The following DCAF6 variants were observed in gnomAD, a reference collection of about 807,000 sequenced individuals.
The protein encoded by DCAF6 is DDB1 and CUL4 associated factor 6, also known as DDB1- and CUL4-associated factor 6.
In DCAF6, 54 loss-of-function variants were observed where a neutral mutation model predicts 125.1. The observed-to-expected ratio is 0.43, with a 90% CI of 0.35 to 0.54. DCAF6 has a LOEUF of 0.54. Among genes scored for constraint, DCAF6 ranks in the 20% least tolerant of loss-of-function variants. The probability of loss-of-function intolerance (pLI) is 0.01; values close to 1 mark genes in which losing one functional copy is unlikely to be tolerated. For synonymous variants in DCAF6, 371 were observed against 390.4 expected (o/e 0.95, Z 0.58); for missense variants, 934 against 1,161.7 (o/e 0.80, Z 2.85).
the DCAF6 span, among the ~76,000 whole-genome samples, chr1:167,926,850 T>C: frequency 6.6e-6 from 1 of 152,306 alleles, no homozygotes; most frequent in Admixed American, 6.5e-5. Flanking sequence ...ACCTAACTCC[T>C]ATCCATCAGA....
At chr1:167,864,811 C>A in the DCAF6 span, among the ~76,000 whole-genome samples, 1 of 151,644 alleles carries the variant, frequency 6.6e-6, no homozygotes. Context: ...AGCACTGAGG[C>A]CTTCCTATCA....
chr1:168,021,081 G>C (rs924315574), intron 11 of DCAF6, among the ~76,000 whole-genome samples: 1 of 152,036 alleles, frequency 6.6e-6, no homozygotes, highest in African/African-American at 2.4e-5. Context: ...TTTGAAAATA[G>C]TTTTGTAGAG....
At chr1:168,034,436 A>C (rs1277312833) in intron 12 of DCAF6, among the ~76,000 whole-genome samples, 2 of 152,178 alleles carry the variant, frequency 1.3e-5, no homozygotes, top group Non-Finnish European at 2.9e-5. Flanking sequence ...ACTTGAGCCC[A>C]GAAGTTTGAG....
chr1:167,949,329 C>G (rs1424964177), intron 1 of DCAF6, among the ~76,000 whole-genome samples: 1 of 152,140 alleles, frequency 6.6e-6, no homozygotes, highest in African/African-American at 2.4e-5. Context: ...GGACTATCTT[C>G]TCAGTGAGGT....
At chr1:168,017,713 T>TA (rs1216325220) in intron 11 of DCAF6, among the ~76,000 whole-genome samples, 6 of 152,168 alleles carry the variant, frequency 3.9e-5, no homozygotes, top group Non-Finnish European at 7.4e-5. Context: ...TGCAGTTTTG[T>TA]ATATGGACAT....
chr1:167,951,613 A>G (rs568485083), intron 1 of DCAF6, among the ~76,000 whole-genome samples, 187 bp from the exon 2 acceptor site: 1 of 152,254 alleles, frequency 6.6e-6, no homozygotes, highest in Admixed American at 6.5e-5. Context: ...AGGTAGAGGT[A>G]TTCTAATGAG....
At chr1:168,015,351 T>C (rs1269683415) in intron 10 of DCAF6, among the ~76,000 whole-genome samples, 1 of 152,128 alleles carries the variant, frequency 6.6e-6, no homozygotes, top group African/African-American at 2.4e-5. Flanking sequence ...TGCATAAGTT[T>C]TTATCCTTTT....
chr1:168,042,539 C>A (rs142846667), intron 13 of DCAF6, among the ~76,000 whole-genome samples: 1 of 151,764 alleles, frequency 6.6e-6, no homozygotes, highest in Non-Finnish European at 1.5e-5. Context: ...AACAGCAGAT[C>A]AGAACTGGAA....
the DCAF6 span, chr1:167,920,433 T>C: frequency 1.9e-6 from 2 of 1,068,784 alleles, no homozygotes; most frequent in East Asian, 2.6e-5. Flanking sequence ...ATACTGTTAA[T>C]TCCTTTGTGT....
chr1:167,864,183 C>A, the DCAF6 span, among the ~76,000 whole-genome samples: 35 of 152,232 alleles, frequency 2.3e-4, no homozygotes, highest in Admixed American at 4.6e-4. Context: ...TGTGTGCGTG[C>A]CCTTTTTACC....
rs1472101179 is a variant in DCAF6, at chr1:168,044,931, G to A, written c.1962G>A (p.Leu654=). Reference sequence around the variant, plus strand: ...CAGATAAGTTCACAGCCAAGCCATTGGATTCCAACTCAGGAGAAAGAAATG... The same window carrying A: ...CAGATAAGTTCACAGCCAAGCCATTAGATTCCAACTCAGGAGAAAGAAATG... ...TQSDKFTAKP[L]DSNSGERNDL... The change falls in exon 16 of 22, where the codon TTG becomes TTA. Residue 654 remains leucine, a synonymous_variant. Transcript: ENST00000367840. 8 of 1,613,884 alleles carry A rather than the reference G, an allele frequency of 5.0e-6. No homozygotes were observed. The highest frequency in any genetic ancestry group is 6.8e-6 in the Non-Finnish European group (8 of 1,179,946).
the DCAF6 span, chr1:167,920,120 A>T: frequency 7.3e-7 from 1 of 1,369,564 alleles, no homozygotes. Context: ...CTTTAAAAAG[A>T]ATACATACTG....
chr1:167,992,297 C>T (rs1680967460), intron 6 of DCAF6, among the ~76,000 whole-genome samples: 1 of 123,940 alleles, frequency 8.1e-6, no homozygotes, highest in Non-Finnish European at 1.9e-5. Flanking sequence ...ACCGAATGCA[C>T]ATTCATATAT....
At chr1:167,980,158 C>T (rs1311207925) in intron 4 of DCAF6, among the ~76,000 whole-genome samples, 4 of 151,696 alleles carry the variant, frequency 2.6e-5, no homozygotes, top group Admixed American at 6.6e-5. Flanking sequence ...TCCAGCCTGG[C>T]GACAGAGTGA....
rs1359012527 is a variant in DCAF6, at chr1:168,015,965, A to G, written c.1549+14A>G. On this transcript the variant is annotated intron_variant, in intron 11 of 21. Transcript: ENST00000367840. ...CTCATGCTTCAGGTTATTAATGTCA[A>G]GTGTCCTTAAGCAGCTGATAGAATT... is the stretch of plus-strand genomic sequence containing the variant. 6.8e-6 allele frequency: 10 copies of G among 1,464,308 alleles called. No homozygotes were observed. Among genetic ancestry groups the G allele is most frequent in the Middle Eastern group, 3.5e-4 (2 of 5,672 alleles). The allele number at this position is 1,464,308 out of a possible 1,614,324, so 90.7% of individuals were successfully genotyped here.
the DCAF6 span, among the ~76,000 whole-genome samples, chr1:167,911,600 A>G: frequency 4.6e-5 from 7 of 152,352 alleles, no homozygotes; most frequent in South Asian, 1.2e-3. Context: ...GTTCCGGCCA[A>G]TGGGCAGTAG....
rs572508540 is a variant in DCAF6 at position 168,044,621 on chromosome 1, A to G, written c.1880A>G (p.Tyr627Cys). ...GAATCATCAGAGGATGTGACAAAAT[A>G]TCAGGAAGGAGTATCTGCAGAAAAC... is the stretch of plus-strand genomic sequence containing the variant. ...PEESSEDVTKYQEGVSAENPV... is the reference protein window; with the variant it reads ...PEESSEDVTKCQEGVSAENPV... The change falls in exon 15 of 22, where the codon TAT (tyrosine) becomes TGT (cysteine). Residue 627 changes from tyrosine to cysteine, a missense_variant. This residue lies in a region of DCAF6 where 559 missense variants were observed against 635.5 expected (regional missense o/e 0.88). Coordinates refer to ENST00000367840, the MANE Select transcript of DCAF6 (RefSeq NM_001198956.2). The G allele has an allele frequency of 1.9e-6, 3 of 1,613,326 alleles. No homozygotes were observed. The highest frequency in any genetic ancestry group is 1.1e-5 in the South Asian group (1 of 91,042).
chr1:168,004,058 T>G (rs1683004045), intron 9 of DCAF6, 69 bp downstream of exon 9: 5 of 1,543,544 alleles, frequency 3.2e-6, no homozygotes, highest in Non-Finnish European at 4.4e-6. Flanking sequence ...CAGTTTTTAT[T>G]TCTATCATGT....
At chr1:168,058,313 C>T (rs1034265534) in intron 17 of DCAF6, among the ~76,000 whole-genome samples, 3 of 152,110 alleles carry the variant, frequency 2.0e-5, no homozygotes, top group Admixed American at 6.5e-5. Context: ...GTTTTTCTTG[C>T]GTATATACCA....
Sources: allele counts gnomAD v4.1 joint callset (sites outside exome capture counted in the v4.1 genomes callset), GRCh38; gene constraint gnomAD v4.1.1; regional missense constraint gnomAD v4.1.1; transcripts MANE v1.5; gene names NCBI Gene and HGNC (gene_info 2026-07-23, HGNC 2026-07-21).